The following LRRC4C variants were observed in gnomAD, a reference collection of about 807,000 sequenced individuals.
LRRC4C encodes the protein leucine rich repeat containing 4C, also known as leucine-rich repeat-containing protein 4C.
LRRC4C carries 5 observed loss-of-function variants against 33.6 expected under a neutral mutation model. That is an observed-to-expected ratio of 0.15 (90% confidence interval 0.08 to 0.31). The LOEUF is 0.31. Ranked by LOEUF, LRRC4C falls within the 10% of genes least tolerant of loss-of-function variation. LRRC4C has a pLI of 1.00. For synonymous variants in LRRC4C, 329 were observed against 302.0 expected (o/e 1.09, Z -0.93); for missense variants, 560 against 796.7 (o/e 0.70, Z 3.58).
chr11:40,930,864 T>C (rs1028047571), intron 2 of LRRC4C, among the ~76,000 whole-genome samples: 1 of 152,218 alleles, frequency 6.6e-6, no homozygotes, highest in Non-Finnish European at 1.5e-5. Context: ...ATTATTTATG[T>C]TTATGTGAAG....
At chr11:40,420,712 T>C (rs1950493108) in intron 3 of LRRC4C, among the ~76,000 whole-genome samples, 1 of 152,176 alleles carries the variant, frequency 6.6e-6, no homozygotes, top group African/African-American at 2.4e-5. Context: ...ACTAACTTTA[T>C]AGATATAGAA....
At chr11:40,197,467 G>A (rs1294760410) in intron 5 of LRRC4C, among the ~76,000 whole-genome samples, 1 of 152,170 alleles carries the variant, frequency 6.6e-6, no homozygotes, top group Non-Finnish European at 1.5e-5. Flanking sequence ...AATGACCAAA[G>A]CTTCCACATA....
intron 1 of LRRC4C, among the ~76,000 whole-genome samples, chr11:41,240,192 C>G (rs1948194386): frequency 6.6e-6 from 1 of 152,178 alleles, no homozygotes. Flanking sequence ...TTTTGTGTAT[C>G]ATGAGATTTC....
At chr11:40,313,052 G>A (rs1026960652) in intron 4 of LRRC4C, among the ~76,000 whole-genome samples, 1 of 152,048 alleles carries the variant, frequency 6.6e-6, no homozygotes, top group Non-Finnish European at 1.5e-5. Flanking sequence ...CTGGTGAATG[G>A]CAAATATATT....
intron 1 of LRRC4C, among the ~76,000 whole-genome samples, chr11:41,113,384 G>C (rs1220206049): frequency 2.0e-5 from 3 of 152,006 alleles, no homozygotes; most frequent in African/African-American, 7.2e-5. Flanking sequence ...CCAGCACCGG[G>C]CTGTGAGTTT....
chr11:41,341,334 A>T (rs564220193), intron 1 of LRRC4C, among the ~76,000 whole-genome samples: 1 of 152,324 alleles, frequency 6.6e-6, no homozygotes, highest in South Asian at 2.1e-4. Flanking sequence ...GAGAAGAAGA[A>T]TAAAATGACT....
At chr11:40,189,465 G>A (rs189915476) in intron 5 of LRRC4C, among the ~76,000 whole-genome samples, 7 of 152,160 alleles carry the variant, frequency 4.6e-5, no homozygotes, top group Admixed American at 6.5e-5. Flanking sequence ...CAGCTATTCC[G>A]TGGGCCTCAG....
At chr11:41,183,165 C>A (rs1042039509) in intron 1 of LRRC4C, among the ~76,000 whole-genome samples, 1 of 152,018 alleles carries the variant, frequency 6.6e-6, no homozygotes, top group African/African-American at 2.4e-5. Flanking sequence ...CAAACCATAT[C>A]ATTCTGCCCC....
intron 5 of LRRC4C, among the ~76,000 whole-genome samples, chr11:40,169,698 C>T (rs1024194745): frequency 6.6e-6 from 1 of 152,136 alleles, no homozygotes; most frequent in African/African-American, 2.4e-5. Flanking sequence ...GGGTTGTAAG[C>T]TATGATCTAT....
intron 1 of LRRC4C, among the ~76,000 whole-genome samples, chr11:40,974,108 C>T (rs1851915258): frequency 6.6e-6 from 1 of 152,104 alleles, no homozygotes; most frequent in Non-Finnish European, 1.5e-5. Context: ...ATAATGTTCA[C>T]ATTTTTCTCT....
chr11:41,255,852 T>C (rs1948783574), intron 1 of LRRC4C, among the ~76,000 whole-genome samples: 1 of 152,012 alleles, frequency 6.6e-6, no homozygotes, highest in Non-Finnish European at 1.5e-5. Context: ...ATTCTCTAGA[T>C]GTGCCCTTCT....
intron 3 of LRRC4C, among the ~76,000 whole-genome samples, chr11:40,381,300 G>A (rs183256157): frequency 2.7e-5 from 4 of 150,856 alleles, no homozygotes; most frequent in African/African-American, 9.7e-5. Flanking sequence ...GTAGATAATT[G>A]ATTTGGCAAA....
chr11:40,845,053 T>A (rs1953092484), intron 2 of LRRC4C, among the ~76,000 whole-genome samples: 1 of 152,184 alleles, frequency 6.6e-6, no homozygotes, highest in African/African-American at 2.4e-5. Flanking sequence ...TTTAAAAATG[T>A]GTACATATTT....
At chr11:40,578,140 GGTTTTTTTTTTTTTTTT>G (rs1291406426) in intron 3 of LRRC4C, among the ~76,000 whole-genome samples, 4 of 40,574 alleles carry the variant, frequency 9.9e-5, no homozygotes, top group East Asian at 4.8e-4. Flanking sequence ...TTTTTTTTTC[GGTTTTTTTTTTTTTTTT>G]TTTTTTTTTT....
At chr11:40,605,088 A>T (rs11035957) in intron 3 of LRRC4C, among the ~76,000 whole-genome samples, 2 of 151,878 alleles carry the variant, frequency 1.3e-5, no homozygotes, top group African/African-American at 2.4e-5. Context: ...ATATGAAAAT[A>T]GCTGGAACTG....
intron 2 of LRRC4C, among the ~76,000 whole-genome samples, chr11:40,842,466 T>A (rs1446877733): frequency 2.6e-5 from 4 of 152,320 alleles, no homozygotes; most frequent in African/African-American, 9.6e-5. Context: ...TGTTTTTAAA[T>A]GTGTATACAT....
At position 41,076,702 on chromosome 11, in the gene LRRC4C, C is replaced by G. The variant is rs183919795; in HGVS notation, c.-495-142979G>C. On this transcript the variant is annotated intron_variant, in intron 1 of 6. Transcript: ENST00000528697. ...CAAACCACATCATTTTGCCCATGGCCCCTCTCAAATCTCACGTCCTTTTCA... is the reference window on the plus strand; with the variant it reads ...CAAACCACATCATTTTGCCCATGGCGCCTCTCAAATCTCACGTCCTTTTCA... Among the ~76,000 whole-genome samples the G allele has an allele frequency of 2.2e-3, 339 of 152,156 alleles. 2 individuals carry two copies. Among genetic ancestry groups the G allele is most frequent in the African/African-American group, 8.0e-3 (332 of 41,508 alleles).
chr11:40,541,322 G>T (rs1956698996), intron 3 of LRRC4C, among the ~76,000 whole-genome samples: 1 of 152,028 alleles, frequency 6.6e-6, no homozygotes, highest in Non-Finnish European at 1.5e-5. Flanking sequence ...GCCCAGGCTG[G>T]TCTCAAACTC....
At chr11:40,302,288 C>A (rs1944811935) in intron 4 of LRRC4C, among the ~76,000 whole-genome samples, 1 of 152,072 alleles carries the variant, frequency 6.6e-6, no homozygotes, top group Admixed American at 6.6e-5. Context: ...TATGGAAGTT[C>A]GCATTTTCAC....
Sources: gnomAD v4.1 joint callset for allele counts (sites outside exome capture counted in the v4.1 genomes callset) on GRCh38, gnomAD v4.1.1 for gene constraint, MANE v1.5 for transcripts, NCBI Gene and HGNC (gene_info 2026-07-23, HGNC 2026-07-21) for gene names.